Variants in ARID1B observed in about 807,000 individuals in gnomAD.
The protein encoded by ARID1B is AT-rich interactive domain-containing protein 1B.
A neutral mutation model predicts 212.3 loss-of-function variants in ARID1B; 30 were observed. The observed-to-expected ratio is 0.14, with a 90% confidence interval of 0.11 to 0.19. The LOEUF (loss-of-function observed/expected upper bound fraction) is 0.19, where lower values mean the gene tolerates loss of function less well. Ranked by LOEUF, ARID1B falls within the 10% of genes least tolerant of loss-of-function variation. ARID1B has a pLI of 1.00. For synonymous variants in ARID1B, 1,402 were observed against 1,301.7 expected (o/e 1.08, Z -1.66); for missense variants, 2,891 against 3,204.0 (o/e 0.90, Z 2.36).
At chr6:157,128,171 T>C (rs1442708311) in intron 6 of ARID1B, among the ~76,000 whole-genome samples, 1 of 152,246 alleles carries the variant, frequency 6.6e-6, no homozygotes, top group Non-Finnish European at 1.5e-5. Context: ...TTCTGTCTTC[T>C]AATTTTTTAT....
intron 4 of ARID1B, among the ~76,000 whole-genome samples, chr6:157,046,304 C>A (rs1293610958): frequency 6.6e-6 from 1 of 152,088 alleles, no homozygotes; most frequent in Non-Finnish European, 1.5e-5. Context: ...AGGTTAGAGC[C>A]CTGTTAATGA....
At chr6:157,163,227 C>A (rs932900600) in intron 8 of ARID1B, among the ~76,000 whole-genome samples, 6 of 152,076 alleles carry the variant, frequency 3.9e-5, no homozygotes, top group Non-Finnish European at 8.8e-5. Flanking sequence ...CTGCTGAGGT[C>A]GCCTCGAAAC....
intron 1 of ARID1B, among the ~76,000 whole-genome samples, chr6:156,800,602 G>C (rs1240246943): frequency 6.6e-6 from 1 of 151,832 alleles, no homozygotes; most frequent in African/African-American, 2.4e-5. Flanking sequence ...AGAAAAAAAA[G>C]CAAATAAAAT....
chr6:156,856,578 G>A (rs1053956779), intron 2 of ARID1B, among the ~76,000 whole-genome samples: 1 of 152,048 alleles, frequency 6.6e-6, no homozygotes, highest in Non-Finnish European at 1.5e-5. Context: ...ATCAAGCACT[G>A]TGTCTTATTA....
chr6:157,139,618 T>C (rs1208275425), intron 7 of ARID1B, among the ~76,000 whole-genome samples: 1 of 152,132 alleles, frequency 6.6e-6, no homozygotes, highest in Non-Finnish European at 1.5e-5. Flanking sequence ...CATTCGGTTC[T>C]TACCATAGAG....
chr6:157,019,125 C>T (rs1780077545), intron 4 of ARID1B, among the ~76,000 whole-genome samples: 1 of 152,132 alleles, frequency 6.6e-6, no homozygotes, highest in African/African-American at 2.4e-5. Flanking sequence ...AGACCCAGTT[C>T]TGTTGGTCTG....
intron 4 of ARID1B, among the ~76,000 whole-genome samples, chr6:157,009,690 C>A (rs892975935): frequency 6.6e-6 from 1 of 152,168 alleles, no homozygotes; most frequent in South Asian, 2.1e-4. Context: ...TGGTAATATT[C>A]ATATTTGTTA....
At chr6:156,843,810 T>A (rs1784055248) in intron 2 of ARID1B, among the ~76,000 whole-genome samples, 1 of 152,236 alleles carries the variant, frequency 6.6e-6, no homozygotes, top group Admixed American at 6.5e-5. Flanking sequence ...AGATGTTTAC[T>A]GGTAGCCCTA....
chr6:156,882,002 A>G (rs552203969), intron 2 of ARID1B, among the ~76,000 whole-genome samples: 1 of 152,362 alleles, frequency 6.6e-6, no homozygotes, highest in South Asian at 2.1e-4. Flanking sequence ...AAGCAATCAT[A>G]CAGCCAGTAT....
At chr6:156,844,611 C>CT (rs1049172810) in intron 2 of ARID1B, among the ~76,000 whole-genome samples, 1 of 152,158 alleles carries the variant, frequency 6.6e-6, no homozygotes, top group Non-Finnish European at 1.5e-5. Flanking sequence ...ACTCAACACT[C>CT]TGAGTGTTTG....
At chr6:156,828,008 G>A (rs1027117124) in intron 1 of ARID1B, among the ~76,000 whole-genome samples, 2 of 149,902 alleles carry the variant, frequency 1.3e-5, no homozygotes, top group Non-Finnish European at 3.0e-5. Context: ...TGATCTGCCC[G>A]TCTTGGCCTC....
intron 4 of ARID1B, among the ~76,000 whole-genome samples, chr6:157,000,696 C>CTT (rs10536002): frequency 9.1e-5 from 9 of 99,224 alleles, no homozygotes; most frequent in Non-Finnish European, 1.7e-4. Context: ...TCTAATTATT[C>CTT]TTTTTTTTTT....
At chr6:156,868,394 A>C (rs535705412) in intron 2 of ARID1B, among the ~76,000 whole-genome samples, 2 of 152,252 alleles carry the variant, frequency 1.3e-5, no homozygotes, top group Admixed American at 1.3e-4. Context: ...GAAAGGGTTT[A>C]TCTTAGTCTG....
chr6:156,917,399 C>G, intron 3 of ARID1B, among the ~76,000 whole-genome samples: 1 of 152,170 alleles, frequency 6.6e-6, no homozygotes, highest in East Asian at 1.9e-4. Flanking sequence ...GACGTTGTTG[C>G]TGACCTAAAG....
chr6:157,147,230 T>C (rs192140170), intron 7 of ARID1B, among the ~76,000 whole-genome samples: 22 of 172 alleles, frequency 0.13, no homozygotes, highest in Admixed American at 0.25. Context: ...GTCCCTCACC[T>C]CCGACCCTGC....
At chr6:157,202,530 GAAA>G (rs970984898) in intron 18 of ARID1B, among the ~76,000 whole-genome samples, 1 of 151,438 alleles carries the variant, frequency 6.6e-6, no homozygotes, top group South Asian at 2.1e-4. Flanking sequence ...CTACTAAAAA[GAAA>G]AAAAATTAGC....
rs71027320 is a variant in ARID1B at position 156,897,264 on chromosome 6, C to CTTCTTCTTATTATTATTATTA, written c.1987-4110_1987-4109insCTTCTTATTATTATTATTATT. Reference sequence around the variant, plus strand: ...TCTTCTTCTTCTTCTTCTTCTTCTTCTTATTATTATTATTATTATTATTAT... The same window carrying CTTCTTCTTATTATTATTATTA: ...TCTTCTTCTTCTTCTTCTTCTTCTTCTTCTTCTTATTATTATTATTATTATTATTATTATTATTATTATTAT... On this transcript the variant is annotated intron_variant, in intron 2 of 19. Coordinates refer to ENST00000636930, the MANE Select transcript of ARID1B (RefSeq NM_001374828.1). Among the ~76,000 whole-genome samples, 536 of 83,550 alleles carry CTTCTTCTTATTATTATTATTA rather than the reference C, an allele frequency of 6.4e-3. 5 individuals carry two copies. Among genetic ancestry groups the CTTCTTCTTATTATTATTATTA allele is most frequent in the Middle Eastern group, 0.015 (3 of 194 alleles). The allele number at this position is 83,550 out of a possible 152,430, so 54.8% of individuals were successfully genotyped here.
chr6:157,166,457 T>A (rs554502557), intron 8 of ARID1B: 1 of 152,210 alleles, frequency 6.6e-6, no homozygotes, highest in Non-Finnish European at 1.5e-5. Flanking sequence ...GAAGTGGAAG[T>A]CTGATGTCTA....
chr6:156,994,370 A>G (rs891541087), intron 4 of ARID1B, among the ~76,000 whole-genome samples: 10 of 152,134 alleles, frequency 6.6e-5, no homozygotes, highest in Non-Finnish European at 1.5e-4. Context: ...AGCTTCCAGC[A>G]TACTCTCTCA....
Sources: allele counts gnomAD v4.1 joint callset (sites outside exome capture counted in the v4.1 genomes callset), GRCh38; gene constraint gnomAD v4.1.1; transcripts MANE v1.5; gene names NCBI Gene and HGNC (gene_info 2026-07-23, HGNC 2026-07-21).